Variants in LSAMP observed in about 807,000 individuals in gnomAD.
The protein encoded by LSAMP is limbic system associated membrane protein.
A neutral mutation model predicts 38.6 loss-of-function variants in LSAMP; 7 were observed. The ratio of observed to expected loss-of-function variants is 0.18; its 90% CI spans 0.10 to 0.34. The LOEUF (loss-of-function observed/expected upper bound fraction) is 0.34, where lower values mean the gene tolerates loss of function less well. LSAMP is among the 10% of genes least tolerant of loss of function. LSAMP has a pLI of 1.00. For synonymous variants in LSAMP, 154 were observed against 166.8 expected (o/e 0.92, Z 0.59); for missense variants, 313 against 420.0 (o/e 0.75, Z 2.23).
chr3:116,190,190 C>G (rs1710722920), intron 1 of LSAMP, among the ~76,000 whole-genome samples: 3 of 151,956 alleles, frequency 2.0e-5, no homozygotes, highest in South Asian at 2.1e-4. Flanking sequence ...CTCCCCACCT[C>G]CATTCCAAAT....
rs1933724623 is a variant in LSAMP, at chr3:115,809,145, A to C, written c.*1172T>G. 1 of 152,206 alleles carries C rather than the reference A, an allele frequency of 6.6e-6. No homozygotes were observed. Among genetic ancestry groups the C allele is most frequent in the African/African-American group, 2.4e-5 (1 of 41,452 alleles). The allele number at this position is 152,206 out of a possible 1,614,324, so 9.4% of individuals were successfully genotyped here. On this transcript the variant is annotated 3_prime_UTR_variant, in exon 7 of 7. Transcript: ENST00000490035. Reference sequence around the variant, plus strand: ...ATGCCAGGAAATATAAGAATCCCTCAGACTCATGAAATGAGAGTAAAATCT... The same window carrying C: ...ATGCCAGGAAATATAAGAATCCCTCCGACTCATGAAATGAGAGTAAAATCT...
intron 6 of LSAMP, among the ~76,000 whole-genome samples, chr3:115,835,366 T>C (rs1354829399): frequency 6.6e-6 from 1 of 152,176 alleles, no homozygotes; most frequent in Non-Finnish European, 1.5e-5. Context: ...CTACTGACCA[T>C]AGATAGAATG....
At chr3:116,063,165 T>C (rs1941625706) in intron 2 of LSAMP, among the ~76,000 whole-genome samples, 2 of 152,170 alleles carry the variant, frequency 1.3e-5, no homozygotes, top group Non-Finnish European at 2.9e-5. Flanking sequence ...TCTTATCTAA[T>C]TTAATTTGAA....
chr3:115,986,662 C>T (rs1939517791), intron 3 of LSAMP, among the ~76,000 whole-genome samples: 1 of 151,526 alleles, frequency 6.6e-6, no homozygotes, highest in African/African-American at 2.4e-5. Context: ...TCATCTCTAC[C>T]CCTAGATGGC....
intron 1 of LSAMP, among the ~76,000 whole-genome samples, chr3:116,277,780 G>C (rs1481675608): frequency 6.6e-6 from 1 of 152,144 alleles, no homozygotes; most frequent in Non-Finnish European, 1.5e-5. Context: ...TAAAGGTTGT[G>C]GCTGTCCCTG....
intron 1 of LSAMP, among the ~76,000 whole-genome samples, chr3:116,130,695 A>G (rs866993988): frequency 7.2e-5 from 11 of 152,162 alleles, no homozygotes; most frequent in Non-Finnish European, 1.3e-4. Flanking sequence ...AGTATTTTGT[A>G]AATATAATTT....
At chr3:116,290,215 G>T (rs1365233215) in intron 1 of LSAMP, among the ~76,000 whole-genome samples, 3 of 152,148 alleles carry the variant, frequency 2.0e-5, no homozygotes, top group Non-Finnish European at 4.4e-5. Flanking sequence ...AAAGGAATTG[G>T]AGTAGTAGCA....
At chr3:116,373,157 A>G (rs1304737760) in intron 1 of LSAMP, among the ~76,000 whole-genome samples, 7 of 151,666 alleles carry the variant, frequency 4.6e-5, no homozygotes, top group African/African-American at 1.5e-4. Flanking sequence ...AAAACATGGA[A>G]GCAACCTAAC....
At chr3:116,111,007 GCT>G (rs1160887425) in intron 1 of LSAMP, among the ~76,000 whole-genome samples, 1 of 152,072 alleles carries the variant, frequency 6.6e-6, no homozygotes, top group African/African-American at 2.4e-5. Context: ...GTCACAAGGT[GCT>G]CAGTGGGGGA....
intron 1 of LSAMP, among the ~76,000 whole-genome samples, chr3:116,397,074 G>A (rs13077694): frequency 0.19 from 28,237 of 152,068 alleles, 3,436 homozygotes; most frequent in African/African-American, 0.35. Flanking sequence ...CTTTGAAAAC[G>A]TTAAGTCATC....
chr3:116,423,760 G>A (rs1019403096), intron 1 of LSAMP, among the ~76,000 whole-genome samples: 3 of 152,194 alleles, frequency 2.0e-5, no homozygotes, highest in Non-Finnish European at 4.4e-5. Context: ...GAGACTGAGA[G>A]AGAGACCATC....
At chr3:116,030,071 GA>G (rs1286521714) in intron 2 of LSAMP, among the ~76,000 whole-genome samples, 6 of 152,180 alleles carry the variant, frequency 3.9e-5, no homozygotes, top group African/African-American at 1.4e-4. Context: ...AACCAGTGGT[GA>G]ATGTTCTCTG....
chr3:116,272,575 A>T (rs2107671944), intron 1 of LSAMP, among the ~76,000 whole-genome samples: 1 of 152,284 alleles, frequency 6.6e-6, no homozygotes, highest in African/African-American at 2.4e-5. Flanking sequence ...TTTTTGAAGC[A>T]AAGGCCTTGA....
chr3:115,883,569 T>C (rs556755345), intron 3 of LSAMP, among the ~76,000 whole-genome samples: 2 of 152,156 alleles, frequency 1.3e-5, no homozygotes, highest in Admixed American at 6.6e-5. Context: ...GTGTATATAA[T>C]GTAGGCAGTG....
chr3:116,256,902 CTATTT>C (rs1369152971), intron 1 of LSAMP, among the ~76,000 whole-genome samples: 3 of 152,280 alleles, frequency 2.0e-5, no homozygotes, highest in Admixed American at 1.3e-4. Context: ...AAATCAAGTC[CTATTT>C]TACCTTTCTT....
At position 116,189,409 on chromosome 3, in the gene LSAMP, C is replaced by T. The variant is rs187304714; in HGVS notation, c.156-102853G>A. 7.9e-5 allele frequency among the ~76,000 whole-genome samples: 12 copies of T among 152,310 alleles called. No individual in the cohort carries two copies. The South Asian group carries it at 8.3e-4, about 11-fold the overall frequency. ...ACACCAAGGAAATTGGCAAGTGCTA[C>T]GAATCAAGGCTTCCTCTGGGTCTGG... On this transcript the variant is annotated intron_variant, in intron 1 of 6. Transcript: ENST00000490035.
intron 3 of LSAMP, among the ~76,000 whole-genome samples, chr3:115,997,646 G>A (rs1232270206): frequency 6.8e-6 from 1 of 146,528 alleles, no homozygotes; most frequent in East Asian, 2.0e-4. Flanking sequence ...GGTAAGCTTG[G>A]GGAATACAAG....
At chr3:116,304,549 G>A (rs2047456659) in intron 1 of LSAMP, among the ~76,000 whole-genome samples, 1 of 152,094 alleles carries the variant, frequency 6.6e-6, no homozygotes, top group East Asian at 1.9e-4. Flanking sequence ...AAACAACTGA[G>A]CTGGGAAGCG....
chr3:116,117,909 T>C (rs1019355429), intron 1 of LSAMP, among the ~76,000 whole-genome samples: 1 of 152,118 alleles, frequency 6.6e-6, no homozygotes, highest in Non-Finnish European at 1.5e-5. Flanking sequence ...ACGATTGGTA[T>C]GGACTCAAGA....
Sources: gnomAD v4.1 joint callset for allele counts (sites outside exome capture counted in the v4.1 genomes callset) on GRCh38, gnomAD v4.1.1 for gene constraint, MANE v1.5 for transcripts, NCBI Gene and HGNC (gene_info 2026-07-23, HGNC 2026-07-21) for gene names.